PPEF1: variants seen among roughly 807,000 people sequenced by gnomAD.
PPEF1 encodes serine/threonine-protein phosphatase with EF-hands 1.
A neutral mutation model predicts 53.3 loss-of-function variants in PPEF1; 12 were observed. The observed-to-expected ratio is 0.23, with a 90% CI of 0.14 to 0.36. The LOEUF (loss-of-function observed/expected upper bound fraction) is 0.36, where lower values mean the gene tolerates loss of function less well. Ranked by LOEUF, PPEF1 falls within the 10% of genes least tolerant of loss-of-function variation. The pLI, the probability that PPEF1 is intolerant of heterozygous loss-of-function variation, is 1.00. For synonymous variants in PPEF1, 165 were observed against 176.7 expected (o/e 0.93, Z 0.52); for missense variants, 334 against 490.4 (o/e 0.68, Z 3.01).
intron 4 of PPEF1, among the ~76,000 whole-genome samples, chrX:18,750,175 T>C (rs1161315935): frequency 8.9e-6 from 1 of 112,023 alleles, no homozygotes; most frequent in East Asian, 2.8e-4. Context: ...TTCTGAGATA[T>C]CATTCACATA....
chrX:18,738,262 C>T (rs1010753989), intron 3 of PPEF1, among the ~76,000 whole-genome samples: 1 of 111,785 alleles, frequency 8.9e-6, no homozygotes, highest in Non-Finnish European at 1.9e-5. Context: ...GTGGCTGGTA[C>T]CAGTTGTTCC....
chrX:18,761,505 T>C (rs1460119208), intron 5 of PPEF1, 25 bp from the exon 6 acceptor site: 1 of 1,190,181 alleles, frequency 8.4e-7, no homozygotes. Context: ...CTCTACTGAA[T>C]ACTGATTTTT....
chrX:18,782,163 G>A (rs1393019613), intron 7 of PPEF1, among the ~76,000 whole-genome samples: 1 of 111,490 alleles, frequency 9.0e-6, no homozygotes, highest in African/African-American at 3.3e-5. Context: ...TAAGCTCCTT[G>A]AGGGTAGGGA....
chrX:18,777,947 G>A (rs973948421), intron 6 of PPEF1, among the ~76,000 whole-genome samples: 3 of 110,135 alleles, frequency 2.7e-5, no homozygotes, highest in Non-Finnish European at 1.9e-5. Context: ...GTTTCGTCAC[G>A]TTGGCCAGGC....
intron 10 of PPEF1, among the ~76,000 whole-genome samples, chrX:18,795,895 A>G (rs980256989): frequency 1.8e-5 from 2 of 112,391 alleles, no homozygotes; most frequent in African/African-American, 6.5e-5. Flanking sequence ...CTGCTAGGTC[A>G]TACCATGTCT....
rs780857177 is a variant in PPEF1 at position 18,768,131 on chromosome X, C to T, written c.558+6555C>T. 6.3e-5 allele frequency among the ~76,000 whole-genome samples: 7 copies of T among 111,653 alleles called. No individual in the cohort carries two copies. The South Asian group carries it at 1.1e-3, about 18-fold the overall frequency. ...CTTTTGTTTAGAAGTAGTTAGTGGC[C>T]GTGCTTTCACTTACTTTTATTTTAT... On this transcript the variant is annotated intron_variant, in intron 6 of 15. Transcript: ENST00000470157.
intron 3 of PPEF1, among the ~76,000 whole-genome samples, chrX:18,744,295 G>A (rs2045274622): frequency 8.9e-6 from 1 of 112,058 alleles, no homozygotes; most frequent in African/African-American, 3.2e-5. Flanking sequence ...CTTGAGACAC[G>A]TTGGGTACTC....
intron 10 of PPEF1, among the ~76,000 whole-genome samples, chrX:18,798,087 T>G (rs563165185): frequency 1.2e-3 from 133 of 111,125 alleles, no homozygotes; most frequent in African/African-American, 2.3e-3. Context: ...AATTTTTTTT[T>G]TTTGTTTGTT....
At chrX:18,817,343 T>G (rs1016971818) in intron 12 of PPEF1, among the ~76,000 whole-genome samples, 8 of 110,423 alleles carry the variant, frequency 7.2e-5, no homozygotes, top group African/African-American at 2.6e-4. Context: ...TTGATATATT[T>G]ATGAATTTTT....
At chrX:18,803,472 T>A (rs747386640) in intron 10 of PPEF1, among the ~76,000 whole-genome samples, 1 of 112,482 alleles carries the variant, frequency 8.9e-6, no homozygotes, top group Non-Finnish European at 1.9e-5. Flanking sequence ...TCCCAACAAT[T>A]TTGAGACAGG....
chrX:18,696,619 T>A (rs968707445), intron 4 of PPEF1, among the ~76,000 whole-genome samples: 2 of 112,204 alleles, frequency 1.8e-5, no homozygotes, highest in Non-Finnish European at 3.8e-5. Context: ...GATAAAAATA[T>A]GAGTTCTGAT....
chrX:18,684,613 T>C (rs962347243), intron 1 of PPEF1, among the ~76,000 whole-genome samples: 3 of 107,489 alleles, frequency 2.8e-5, no homozygotes, highest in African/African-American at 6.8e-5. Flanking sequence ...TAGTATCTTT[T>C]TCTCTCTCTC....
chrX:18,711,730 G>A (rs967167492), intron 1 of PPEF1, among the ~76,000 whole-genome samples: 3 of 106,981 alleles, frequency 2.8e-5, no homozygotes, highest in Non-Finnish European at 5.8e-5. Flanking sequence ...TCTTATGCCA[G>A]TACCAGTGTC....
intron 4 of PPEF1, among the ~76,000 whole-genome samples, chrX:18,694,472 T>C (rs1020040816): frequency 1.8e-5 from 2 of 111,360 alleles, no homozygotes; most frequent in African/African-American, 6.5e-5. Flanking sequence ...AAATTTTAGC[T>C]GGGCACAGTG....
At chrX:18,709,875 G>A (rs762845495) in intron 1 of PPEF1, among the ~76,000 whole-genome samples, 1 of 112,166 alleles carries the variant, frequency 8.9e-6, no homozygotes, top group Non-Finnish European at 1.9e-5. Flanking sequence ...ATACCTAGAA[G>A]TGGAATTGCT....
intron 12 of PPEF1, among the ~76,000 whole-genome samples, chrX:18,810,952 C>CT (rs1298789419): frequency 1.8e-5 from 2 of 110,918 alleles, no homozygotes; most frequent in Admixed American, 9.5e-5. Context: ...AACTTGCAAA[C>CT]TTTTTTCCCA....
chrX:18,746,749 T>C (rs1310965471), intron 3 of PPEF1, among the ~76,000 whole-genome samples: 1 of 111,545 alleles, frequency 9.0e-6, no homozygotes, highest in Non-Finnish European at 1.9e-5. Context: ...AATAATACTG[T>C]AGGTATCGTG....
At chrX:18,713,471 G>A (rs183641544) in intron 1 of PPEF1, among the ~76,000 whole-genome samples, 139 of 96,939 alleles carry the variant, frequency 1.4e-3, no homozygotes, top group African/African-American at 5.4e-3. Flanking sequence ...ATGGAGCAGG[G>A]CAAACCCATA....
chrX:18,711,979 C>T (rs1487429799), intron 1 of PPEF1, among the ~76,000 whole-genome samples: 1 of 111,446 alleles, frequency 9.0e-6, no homozygotes, highest in Admixed American at 9.5e-5. Flanking sequence ...GGTCTGAACT[C>T]CTGACCTTGT....
Sources: allele counts gnomAD v4.1 joint callset (sites outside exome capture counted in the v4.1 genomes callset), GRCh38; gene constraint gnomAD v4.1.1; transcripts MANE v1.5; gene names NCBI Gene and HGNC (gene_info 2026-07-23, HGNC 2026-07-21).